The following RBMS3 variants were observed in gnomAD, a reference collection of about 807,000 sequenced individuals.
RBMS3 encodes RNA binding motif single stranded interacting protein 3, also known as RNA-binding motif, single-stranded-interacting protein 3.
RBMS3 carries 27 observed loss-of-function variants against 66.8 expected under a neutral mutation model. The ratio of observed to expected loss-of-function variants is 0.40; its 90% confidence interval spans 0.30 to 0.56. The LOEUF is 0.56. Ranked by LOEUF, RBMS3 falls within the 20% of genes least tolerant of loss-of-function variation. The probability of loss-of-function intolerance (pLI) is 0.40; values close to 1 mark genes in which losing one functional copy is unlikely to be tolerated. For synonymous variants in RBMS3, 188 were observed against 183.0 expected (o/e 1.03, Z -0.22); for missense variants, 513 against 549.5 (o/e 0.93, Z 0.66).
intron 6 of RBMS3, among the ~76,000 whole-genome samples, chr3:29,865,206 C>A (rs929864573): frequency 6.6e-6 from 1 of 151,996 alleles, no homozygotes; most frequent in East Asian, 1.9e-4. Context: ...GCACCCTTAA[C>A]AATTAAGTGC....
intron 6 of RBMS3, among the ~76,000 whole-genome samples, chr3:29,809,151 T>A (rs1014008397): frequency 3.3e-5 from 5 of 151,838 alleles, no homozygotes; most frequent in Admixed American, 6.6e-5. Flanking sequence ...TGTTGTGATC[T>A]CAGATTTTAA....
chr3:29,782,602 G>A (rs577403489), intron 6 of RBMS3, among the ~76,000 whole-genome samples: 1 of 152,064 alleles, frequency 6.6e-6, no homozygotes, highest in African/African-American at 2.4e-5. Flanking sequence ...AAACAATTTT[G>A]GTAATATGAC....
intron 3 of RBMS3, among the ~76,000 whole-genome samples, chr3:29,522,585 G>A (rs1280890912): frequency 2.0e-5 from 3 of 152,158 alleles, no homozygotes; most frequent in African/African-American, 7.2e-5. Flanking sequence ...AGGAGATGGG[G>A]TTACTATTAA....
chr3:29,714,479 A>G (rs544274298), intron 4 of RBMS3, among the ~76,000 whole-genome samples: 3 of 152,282 alleles, frequency 2.0e-5, no homozygotes, highest in African/African-American at 7.2e-5. Flanking sequence ...CACGTATGTG[A>G]GTCTGGAGAC....
chr3:29,675,126 T>A (rs2051186086), intron 4 of RBMS3, among the ~76,000 whole-genome samples: 1 of 151,996 alleles, frequency 6.6e-6, no homozygotes, highest in African/African-American at 2.4e-5. Context: ...ATACCACACA[T>A]CTACAACCAT....
chr3:29,407,142 A>T (rs2040055430), intron 1 of RBMS3, among the ~76,000 whole-genome samples: 2 of 152,242 alleles, frequency 1.3e-5, no homozygotes, highest in Non-Finnish European at 2.9e-5. Context: ...AACAAGAACA[A>T]TACAAATGAT....
intron 1 of RBMS3, among the ~76,000 whole-genome samples, chr3:29,368,835 C>T (rs1350383996): frequency 6.6e-5 from 10 of 151,984 alleles, no homozygotes; most frequent in African/African-American, 2.2e-4. Flanking sequence ...TATACCCAAA[C>T]GAATATAAAT....
At chr3:29,288,625 G>T (rs1364383246) in intron 1 of RBMS3, among the ~76,000 whole-genome samples, 1 of 151,924 alleles carries the variant, frequency 6.6e-6, no homozygotes, top group Non-Finnish European at 1.5e-5. Context: ...TGCATGTTTG[G>T]CTAAACCAGT....
chr3:29,577,287 C>T (rs574423630), intron 3 of RBMS3, among the ~76,000 whole-genome samples: 1 of 152,336 alleles, frequency 6.6e-6, no homozygotes, highest in African/African-American at 2.4e-5. Context: ...AGACACAAGG[C>T]TCCTCTTTAC....
At chr3:29,370,843 G>A (rs553943987) in intron 1 of RBMS3, among the ~76,000 whole-genome samples, 3 of 152,208 alleles carry the variant, frequency 2.0e-5, no homozygotes, top group Non-Finnish European at 4.4e-5. Flanking sequence ...CTGGGCTGGA[G>A]TGATGAGAAT....
At chr3:29,384,831 G>T (rs9819400) in intron 1 of RBMS3, among the ~76,000 whole-genome samples, 1 of 152,020 alleles carries the variant, frequency 6.6e-6, no homozygotes, top group Non-Finnish European at 1.5e-5. Flanking sequence ...TGTTGTGAGC[G>T]GGGAAGAGAG....
chr3:29,803,076 G>C (rs999983901), intron 6 of RBMS3, among the ~76,000 whole-genome samples: 1 of 152,120 alleles, frequency 6.6e-6, no homozygotes, highest in Non-Finnish European at 1.5e-5. Context: ...CTCACAGCCC[G>C]TTAAGGCAAA....
At chr3:29,778,640 T>C (rs1296876118) in intron 6 of RBMS3, among the ~76,000 whole-genome samples, 1 of 151,826 alleles carries the variant, frequency 6.6e-6, no homozygotes, top group Non-Finnish European at 1.5e-5. Flanking sequence ...ATGGGCTGAT[T>C]GACCCCAGGA....
At chr3:29,344,481 T>C (rs1476749890) in intron 1 of RBMS3, among the ~76,000 whole-genome samples, 1 of 152,206 alleles carries the variant, frequency 6.6e-6, no homozygotes, top group Non-Finnish European at 1.5e-5. Context: ...TGAATCTTCT[T>C]TTGGGAACTG....
chr3:29,575,675 G>T (rs898483163), intron 3 of RBMS3, among the ~76,000 whole-genome samples: 1 of 151,956 alleles, frequency 6.6e-6, no homozygotes, highest in African/African-American at 2.4e-5. Context: ...GATCTTGTCA[G>T]CATGCTTCAT....
intron 3 of RBMS3, among the ~76,000 whole-genome samples, chr3:29,576,251 C>A (rs996986602): frequency 3.9e-5 from 6 of 152,174 alleles, no homozygotes; most frequent in Non-Finnish European, 8.8e-5. Flanking sequence ...TGGGTAAGAT[C>A]TGGAAGAATT....
rs749929836 is a variant in RBMS3 at position 29,934,872 on chromosome 3, G to A, written c.940-1214G>A. 1.1e-4 allele frequency among the ~76,000 whole-genome samples: 16 copies of A among 152,072 alleles called. No individual in the cohort carries two copies. The East Asian group carries it at 2.3e-3, about 22-fold the overall frequency. ...AGATATAGTCAGGAAGTTGAATTTC[G>A]ATAATACCAGGAAGAATTGCTTAGT... is the stretch of plus-strand genomic sequence containing the variant. On this transcript the variant is annotated intron_variant, in intron 10 of 14. Transcript: ENST00000383767.
intron 3 of RBMS3, among the ~76,000 whole-genome samples, chr3:29,557,736 A>C (rs969144622): frequency 3.3e-5 from 5 of 152,164 alleles, no homozygotes; most frequent in African/African-American, 1.2e-4. Flanking sequence ...TATTTATAAA[A>C]ACCAAGTCTG....
At chr3:29,465,516 A>G (rs965496804) in intron 2 of RBMS3, among the ~76,000 whole-genome samples, 37 of 148,468 alleles carry the variant, frequency 2.5e-4, no homozygotes, top group African/African-American at 8.9e-4. Flanking sequence ...AGGGTTTGGG[A>G]CCCAAACAGA....
Sources: gnomAD v4.1 joint callset for allele counts (sites outside exome capture counted in the v4.1 genomes callset) on GRCh38, gnomAD v4.1.1 for gene constraint, MANE v1.5 for transcripts, NCBI Gene and HGNC (gene_info 2026-07-23, HGNC 2026-07-21) for gene names.